PAK5: variants seen among roughly 807,000 people sequenced by gnomAD.
PAK5 encodes serine/threonine-protein kinase PAK 5.
PAK5 carries 16 observed loss-of-function variants against 65.9 expected under a neutral mutation model. The observed-to-expected ratio is 0.24, with a 90% CI of 0.16 to 0.37. PAK5 has a LOEUF of 0.37. Among genes scored for constraint, PAK5 ranks in the 10% least tolerant of loss-of-function variants. PAK5 has a pLI of 1.00. For synonymous variants in PAK5, 371 were observed against 354.9 expected (o/e 1.05, Z -0.51); for missense variants, 785 against 903.9 (o/e 0.87, Z 1.69).
intron 1 of PAK5, among the ~76,000 whole-genome samples, chr20:9,777,912 C>T (rs1347877133): frequency 6.6e-6 from 1 of 152,082 alleles, no homozygotes; most frequent in Admixed American, 6.6e-5. Flanking sequence ...ATGATATTTC[C>T]TGCATCACAA....
At chr20:9,807,651 A>G (rs2049248667) in intron 1 of PAK5, among the ~76,000 whole-genome samples, 1 of 151,970 alleles carries the variant, frequency 6.6e-6, no homozygotes, top group South Asian at 2.1e-4. Context: ...TCCTGAATAC[A>G]AAGCAAGACT....
intron 3 of PAK5, among the ~76,000 whole-genome samples, chr20:9,587,182 T>C (rs2046085031): frequency 6.6e-6 from 1 of 152,102 alleles, no homozygotes; most frequent in Non-Finnish European, 1.5e-5. Flanking sequence ...ATTAGGTTGA[T>C]AATAAATGAA....
chr20:9,683,546 A>T (rs536609020), intron 2 of PAK5, among the ~76,000 whole-genome samples: 1 of 151,784 alleles, frequency 6.6e-6, no homozygotes, highest in East Asian at 1.9e-4. Context: ...TTACACATGG[A>T]TTTGTCTGAG....
chr20:9,620,709 A>G (rs2046752360), intron 3 of PAK5, among the ~76,000 whole-genome samples: 1 of 152,102 alleles, frequency 6.6e-6, no homozygotes, highest in African/African-American at 2.4e-5. Context: ...AAAGCTATAC[A>G]GAGTCTCTGC....
At chr20:9,833,238 C>T (rs1978867079) in intron 1 of PAK5, among the ~76,000 whole-genome samples, 1 of 152,134 alleles carries the variant, frequency 6.6e-6, no homozygotes, top group Non-Finnish European at 1.5e-5. Flanking sequence ...TTTCATAATG[C>T]CTTCTTCGTC....
At chr20:9,778,551 A>G (rs1347169636) in intron 1 of PAK5, among the ~76,000 whole-genome samples, 1 of 152,140 alleles carries the variant, frequency 6.6e-6, no homozygotes, top group Non-Finnish European at 1.5e-5. Flanking sequence ...ACTTTGGGAG[A>G]TTTTAGATTA....
At chr20:9,740,487 T>G (rs1170962452) in intron 1 of PAK5, among the ~76,000 whole-genome samples, 1 of 152,166 alleles carries the variant, frequency 6.6e-6, no homozygotes, top group Non-Finnish European at 1.5e-5. Flanking sequence ...TTGCAGTGGC[T>G]CCCCAAAAGG....
intron 3 of PAK5, among the ~76,000 whole-genome samples, chr20:9,602,323 T>G (rs2046375512): frequency 1.3e-5 from 2 of 150,540 alleles, no homozygotes; most frequent in South Asian, 4.2e-4. Flanking sequence ...AATAAATAAA[T>G]AAATAAATAA....
At chr20:9,787,580 T>C (rs901702931) in intron 1 of PAK5, among the ~76,000 whole-genome samples, 2 of 151,424 alleles carry the variant, frequency 1.3e-5, no homozygotes, top group African/African-American at 4.9e-5. Context: ...ATCTATAAAA[T>C]AGAAAAACTG....
At chr20:9,671,165 G>T (rs1458499148) in intron 2 of PAK5, among the ~76,000 whole-genome samples, 4 of 152,056 alleles carry the variant, frequency 2.6e-5, no homozygotes, top group East Asian at 1.9e-4. Context: ...CATGCTGTTT[G>T]GGTTACTGTA....
chr20:9,766,287 A>AATATATATATATTCTACTTGAAT (rs1569078907), intron 1 of PAK5, among the ~76,000 whole-genome samples: 10 of 145,872 alleles, frequency 6.9e-5, no homozygotes, highest in African/African-American at 2.2e-4. Flanking sequence ...ATTCTAATTG[A>AATATATATATATTCTACTTGAAT]ATATATATAT....
chr20:9,558,928 C>T (rs770718471), intron 6 of PAK5, among the ~76,000 whole-genome samples: 41 of 152,202 alleles, frequency 2.7e-4, no homozygotes, highest in Non-Finnish European at 5.0e-4. Flanking sequence ...CCCAAGGTTG[C>T]GCAGCTAAGA....
At chr20:9,571,885 GATGTGGTCTTAACA>G in intron 4 of PAK5, among the ~76,000 whole-genome samples, 1 of 120,908 alleles carries the variant, frequency 8.3e-6, no homozygotes, top group South Asian at 3.3e-4. Context: ...GGGGGGGGGG[GATGTGGTCTTAACA>G]GGGGCGGGCA....
chr20:9,679,640 T>C (rs562064337), intron 2 of PAK5, among the ~76,000 whole-genome samples: 32 of 152,292 alleles, frequency 2.1e-4, no homozygotes, highest in African/African-American at 7.7e-4. Context: ...GCATTATAAA[T>C]AGGGCAAAAC....
intron 1 of PAK5, among the ~76,000 whole-genome samples, chr20:9,795,278 T>C (rs2049092748): frequency 6.6e-6 from 1 of 152,118 alleles, no homozygotes; most frequent in Non-Finnish European, 1.5e-5. Context: ...ATTGCATCTA[T>C]ACAAAAGGCA....
rs534603489 is a variant in PAK5 at position 9,660,285 on chromosome 20, T to A, written c.-11-15946A>T. Among the ~76,000 whole-genome samples the A allele has an allele frequency of 2.7e-5, 4 of 146,630 alleles. No homozygotes were observed. The South Asian group carries it at 8.9e-4, about 33-fold the overall frequency. ...AAACTGGCTGTGGGCAAGTGACAAG[T>A]GATTTGCATTCCAAGCAAAAATCTG... is the stretch of plus-strand genomic sequence containing the variant. On this transcript the variant is annotated intron_variant, in intron 2 of 9. Transcript: ENST00000353224.
intron 3 of PAK5, among the ~76,000 whole-genome samples, chr20:9,641,615 T>C (rs557675320): frequency 1.5e-4 from 23 of 151,996 alleles, no homozygotes; most frequent in Admixed American, 3.9e-4. Context: ...GGGTGGTCGA[T>C]GGGACTGGGC....
chr20:9,817,091 G>A (rs1193386078), intron 1 of PAK5, among the ~76,000 whole-genome samples: 1 of 151,862 alleles, frequency 6.6e-6, no homozygotes, highest in Non-Finnish European at 1.5e-5. Flanking sequence ...AGTCCAGGCT[G>A]GGCAACATAG....
At chr20:9,802,937 T>TATATATATATATATATATATATATAAAA (rs1436279274) in intron 1 of PAK5, among the ~76,000 whole-genome samples, 1 of 133,646 alleles carries the variant, frequency 7.5e-6, no homozygotes, top group Admixed American at 7.5e-5. Flanking sequence ...TATATATGAA[T>TATATATATATATATATATATATATAAAA]TACTAATAGC....
Sources: gnomAD v4.1 joint callset for allele counts (sites outside exome capture counted in the v4.1 genomes callset) on GRCh38, gnomAD v4.1.1 for gene constraint, MANE v1.5 for transcripts, NCBI Gene and HGNC (gene_info 2026-07-23, HGNC 2026-07-21) for gene names.